The following PIK3C2G variants were observed in gnomAD, a reference collection of about 807,000 sequenced individuals.
PIK3C2G encodes phosphatidylinositol 3-kinase C2 domain-containing subunit gamma.
A neutral mutation model predicts 181.1 loss-of-function variants in PIK3C2G; 168 were observed. The ratio of observed to expected loss-of-function variants is 0.93; its 90% CI spans 0.82 to 1.05. The LOEUF (loss-of-function observed/expected upper bound fraction) is 1.05. Among genes scored for constraint, PIK3C2G ranks in the 50% least tolerant of loss-of-function variants. PIK3C2G has a pLI of 0.00. For synonymous variants in PIK3C2G, 573 were observed against 592.2 expected (o/e 0.97, Z 0.47); for missense variants, 1,869 against 1,732.8 (o/e 1.08, Z -1.40).
At chr12:18,528,732 C>A (rs181475395) in intron 24 of PIK3C2G, among the ~76,000 whole-genome samples, 3 of 152,300 alleles carry the variant, frequency 2.0e-5, no homozygotes, top group Admixed American at 2.0e-4. Context: ...CTGCCTCTAT[C>A]ATGAATATCA....
At chr12:18,558,039 C>T (rs1341642478) in intron 26 of PIK3C2G, among the ~76,000 whole-genome samples, 1 of 151,958 alleles carries the variant, frequency 6.6e-6, no homozygotes, top group African/African-American at 2.4e-5. Flanking sequence ...GCCAAAGGGC[C>T]TAGAATAGTG....
chr12:18,547,865 T>A (rs1182804984), intron 26 of PIK3C2G, among the ~76,000 whole-genome samples: 1 of 151,784 alleles, frequency 6.6e-6, no homozygotes, highest in Non-Finnish European at 1.5e-5. Context: ...TGGGGAGGTA[T>A]TTTAGACCCT....
At chr12:18,303,115 C>CTTTTT (rs1950253330) in intron 5 of PIK3C2G, among the ~76,000 whole-genome samples, 61 of 136,722 alleles carry the variant, frequency 4.5e-4, no homozygotes, top group African/African-American at 1.5e-3. Flanking sequence ...TCTTTCTTTC[C>CTTTTT]TTCTTTCTTT....
intron 11 of PIK3C2G, among the ~76,000 whole-genome samples, chr12:18,351,808 A>T (rs552310616): frequency 4.6e-5 from 7 of 152,214 alleles, no homozygotes; most frequent in African/African-American, 1.7e-4. Flanking sequence ...ATAGCTTATG[A>T]CTTGGGGAAT....
intron 15 of PIK3C2G, 79 bp downstream of exon 15, chr12:18,391,331 T>A: frequency 1.9e-6 from 2 of 1,075,666 alleles, no homozygotes; most frequent in Non-Finnish European, 2.5e-6. Context: ...CATGATAGCT[T>A]CAAAGAGTGA....
At chr12:18,378,447 A>G (rs1271700810) in intron 13 of PIK3C2G, among the ~76,000 whole-genome samples, 2 of 152,236 alleles carry the variant, frequency 1.3e-5, no homozygotes, top group African/African-American at 2.4e-5. Flanking sequence ...CATTCAGGAC[A>G]TAGGCATGGG....
chr12:18,320,700 G>A (rs1951070675), intron 6 of PIK3C2G, among the ~76,000 whole-genome samples: 2 of 152,226 alleles, frequency 1.3e-5, no homozygotes, highest in South Asian at 4.1e-4. Flanking sequence ...AGAATTTAAT[G>A]TTTGACCTTG....
chr12:18,305,098 AT>A (rs1950363876), intron 5 of PIK3C2G, among the ~76,000 whole-genome samples: 2 of 152,206 alleles, frequency 1.3e-5, no homozygotes, highest in Non-Finnish European at 2.9e-5. Context: ...ATATTCTATA[AT>A]TAACTTTGGT....
intron 5 of PIK3C2G, among the ~76,000 whole-genome samples, chr12:18,298,798 G>A (rs530611360): frequency 1.3e-5 from 2 of 151,994 alleles, no homozygotes; most frequent in South Asian, 2.1e-4. Context: ...ATTTATTGGA[G>A]AGGGTGTCTT....
At chr12:18,284,053 G>GT (rs2137137514) in intron 2 of PIK3C2G, among the ~76,000 whole-genome samples, 1 of 152,182 alleles carries the variant, frequency 6.6e-6, no homozygotes, top group Admixed American at 6.6e-5. Flanking sequence ...GAGTGCTAAA[G>GT]AAGAGGTAGC....
At chr12:18,634,114 G>A (rs1208348388) in intron 31 of PIK3C2G, among the ~76,000 whole-genome samples, 3 of 152,156 alleles carry the variant, frequency 2.0e-5, no homozygotes, top group Non-Finnish European at 4.4e-5. Flanking sequence ...AGTCTTCAAA[G>A]GCCATTTCAT....
intron 18 of PIK3C2G, among the ~76,000 whole-genome samples, chr12:18,437,853 G>A (rs1946531323): frequency 6.6e-6 from 1 of 151,860 alleles, no homozygotes; most frequent in Admixed American, 6.6e-5. Context: ...AGACGTCAGT[G>A]AACAGAAGCA....
At chr12:18,243,592 G>A (rs886260037), upstream of PIK3C2G, among the ~76,000 whole-genome samples, 2 of 151,914 alleles carry the variant, frequency 1.3e-5, no homozygotes, top group African/African-American at 2.4e-5. Flanking sequence ...AGTGAGAGTA[G>A]ACACTAAGCC....
At chr12:18,601,312 G>A (rs890324738) in intron 30 of PIK3C2G, among the ~76,000 whole-genome samples, 1 of 151,698 alleles carries the variant, frequency 6.6e-6, no homozygotes, top group East Asian at 1.9e-4. Flanking sequence ...CCTGTCATTT[G>A]TGGTAACTTG....
intron 7 of PIK3C2G, among the ~76,000 whole-genome samples, chr12:18,322,708 T>C (rs1296278397): frequency 6.6e-6 from 1 of 152,166 alleles, no homozygotes; most frequent in Non-Finnish European, 1.5e-5. Flanking sequence ...ATTGTGTTTT[T>C]CCATTGCCCT....
chr12:18,396,276 C>T (rs12230037), intron 15 of PIK3C2G, among the ~76,000 whole-genome samples: 19,510 of 151,202 alleles, frequency 0.13, 1,282 homozygotes, highest in African/African-American at 0.16. Context: ...AATCCTATCA[C>T]CTTGCTAGAT....
chr12:18,395,073 C>CTCTT (rs1414801144), intron 15 of PIK3C2G, among the ~76,000 whole-genome samples: 2 of 124,464 alleles, frequency 1.6e-5, no homozygotes, highest in Admixed American at 2.2e-4. Flanking sequence ...CTTTCCCTGC[C>CTCTT]TCTTTCATTC....
chr12:18,318,039 T>C (rs1591935589), intron 6 of PIK3C2G, among the ~76,000 whole-genome samples: 1 of 152,340 alleles, frequency 6.6e-6, no homozygotes, highest in South Asian at 2.1e-4. Flanking sequence ...ATTATTAACA[T>C]TAATTTGCAT....
At chr12:18,362,342 G>A (rs566508342) in intron 11 of PIK3C2G, among the ~76,000 whole-genome samples, 27 of 152,206 alleles carry the variant, frequency 1.8e-4, no homozygotes, top group African/African-American at 6.5e-4. Flanking sequence ...GTACGTCCCC[G>A]TGTTCTCTTT....
Sources: allele counts gnomAD v4.1 joint callset (sites outside exome capture counted in the v4.1 genomes callset), GRCh38; gene constraint gnomAD v4.1.1; transcripts MANE v1.5; gene names NCBI Gene and HGNC (gene_info 2026-07-23, HGNC 2026-07-21).